Variants in HIF1AN observed in about 807,000 individuals in gnomAD.
HIF1AN encodes the protein hypoxia inducible factor 1 subunit alpha inhibitor.
A neutral mutation model predicts 47.7 loss-of-function variants in HIF1AN; 21 were observed. The ratio of observed to expected loss-of-function variants is 0.44; its 90% confidence interval spans 0.31 to 0.63. The LOEUF (loss-of-function observed/expected upper bound fraction) is 0.63. HIF1AN is among the 30% of genes least tolerant of loss of function. HIF1AN has a pLI of 0.07. For missense variants in HIF1AN, 320 were observed against 432.7 expected, an observed-to-expected ratio of 0.74 and a Z score of 2.31; for synonymous variants, 152 against 155.9, an observed-to-expected ratio of 0.98 and a Z score of 0.18.
At chr10:100,540,956 T>C (rs965039637) in intron 3 of HIF1AN, among the ~76,000 whole-genome samples, 174 bp downstream of exon 3, 3 of 152,228 alleles carry the variant, frequency 2.0e-5, no homozygotes, top group Non-Finnish European at 4.4e-5. Context: ...GGCTCACGCC[T>C]GTAATCCCAG....
intron 2 of HIF1AN, among the ~76,000 whole-genome samples, chr10:100,538,702 T>C (rs1387076387): frequency 1.3e-5 from 2 of 151,476 alleles, no homozygotes; most frequent in Admixed American, 1.3e-4. Context: ...GTGCCTGTAG[T>C]CTCAGCTACT....
rs1276483695 is a variant in HIF1AN at position 100,553,438 on chromosome 10, G to T, written c.*5301G>T. On this transcript the variant is annotated 3_prime_UTR_variant, in exon 8 of 8. Transcript: ENST00000299163. ...TATATTGCGTAGTCAGATGTCAGGA[G>T]TAGAGATCTTAATGAGAAAGGCCCT... The T allele has an allele frequency of 1.3e-5, 2 of 152,226 alleles. No homozygotes were observed. Among genetic ancestry groups the T allele is most frequent in the African/African-American group, 4.8e-5 (2 of 41,458 alleles). The allele number at this position is 152,226 out of a possible 1,614,324, so 9.4% of individuals were successfully genotyped here.
In HIF1AN at chr10:100,548,316, A is replaced by G. The variant is rs761225741; in HGVS notation, c.*179A>G. On this transcript the variant is annotated 3_prime_UTR_variant, in exon 8 of 8. Coordinates refer to ENST00000299163, the MANE Select transcript of HIF1AN (RefSeq NM_017902.3). ...GCAGGGCAGTTGGCACTCCACTCCT[A>G]TTTGGAGGGACTTCATACCCTTGCC... 1.9e-6 allele frequency: 1 copy of G among 515,698 alleles called. No homozygotes were observed. The highest frequency in any genetic ancestry group is 2.0e-5 in the African/African-American group (1 of 50,454). The allele number at this position is 515,698 out of a possible 1,614,324, so 31.9% of individuals were successfully genotyped here.
chr10:100,545,288 G>C, intron 4 of HIF1AN, 192 bp downstream of exon 4: 1 of 545,822 alleles, frequency 1.8e-6, no homozygotes, highest in Non-Finnish European at 3.2e-6. Context: ...CCAGATGTTT[G>C]TAAGTATAAC....
At position 100,556,877 on chromosome 10, in the gene HIF1AN, T is replaced by G. The variant is rs1227286153; in HGVS notation, c.*8740T>G. 1 of 152,214 alleles carries G rather than the reference T, an allele frequency of 6.6e-6. No individual in the cohort carries two copies. The highest frequency in any genetic ancestry group is 1.5e-5 in the Non-Finnish European group (1 of 68,042). The allele number at this position is 152,214 out of a possible 1,614,324, so 9.4% of individuals were successfully genotyped here. On this transcript the variant is annotated 3_prime_UTR_variant, in exon 8 of 8. Transcript: ENST00000299163. ...CTGGCTCAAGCACTCAGGAAAATGT[T>G]TTATTATGAAGACCAAGTGTCTCTG...
chr10:100,543,316 A>G (rs944610551), intron 3 of HIF1AN, among the ~76,000 whole-genome samples: 4 of 152,030 alleles, frequency 2.6e-5, no homozygotes, highest in African/African-American at 7.2e-5. Flanking sequence ...CACCCTTCCA[A>G]GTAGCTAGGA....
chr10:100,547,326 GCTT>G, intron 7 of HIF1AN, 76 bp downstream of exon 7: 1 of 859,112 alleles, frequency 1.2e-6, no homozygotes, highest in Non-Finnish European at 1.9e-6. Context: ...ATTCTTTACA[GCTT>G]CTGTGTTTCA....
In HIF1AN at chr10:100,556,851, C is replaced by T. The variant is rs1258585631; in HGVS notation, c.*8714C>T. 6.6e-6 allele frequency: 1 copy of T among 152,148 alleles called. No homozygotes were observed. Among genetic ancestry groups the T allele is most frequent in the African/African-American group, 2.4e-5 (1 of 41,404 alleles). 9.4% of individuals were successfully genotyped at this position (152,148 alleles called of 1,614,324 possible). On this transcript the variant is annotated 3_prime_UTR_variant, in exon 8 of 8. Transcript: ENST00000299163. ...GGCTCGTGATAATGTTTTTAAAACA[C>T]CTGGCTCAAGCACTCAGGAAAATGT...
chr10:100,544,596 T>C (rs1013639941), intron 3 of HIF1AN, among the ~76,000 whole-genome samples: 3 of 152,208 alleles, frequency 2.0e-5, no homozygotes, highest in African/African-American at 7.2e-5. Context: ...TTCCTTGAAT[T>C]CCTGCCGTAG....
Position 100,558,868 on chromosome 10 carries a change from G to A in HIF1AN, c.*10731G>A, listed in dbSNP as rs750846197. ...ATGGAGGACTTAGGATGAAGAACAGGTGTGTTTAAAAACATCAAACCCCCA... is the reference window on the plus strand; with the variant it reads ...ATGGAGGACTTAGGATGAAGAACAGATGTGTTTAAAAACATCAAACCCCCA... On this transcript the variant is annotated 3_prime_UTR_variant, in exon 8 of 8. Transcript: ENST00000299163. 3.3e-5 allele frequency: 5 copies of A among 152,194 alleles called. No homozygotes were observed. The highest frequency in any genetic ancestry group is 4.1e-4 in the South Asian group (2 of 4,828). 9.4% of individuals were successfully genotyped at this position (152,194 alleles called of 1,614,324 possible).
At position 100,549,365 on chromosome 10, in the gene HIF1AN, G is replaced by T. The variant is rs894822942; in HGVS notation, c.*1228G>T. On this transcript the variant is annotated 3_prime_UTR_variant, in exon 8 of 8. Coordinates refer to ENST00000299163, the MANE Select transcript of HIF1AN (RefSeq NM_017902.3). ...TTCCTGGCTGAATAGATGAAATGGGGTCAAGCCCAGGCAGCTCATTCACTA... is the reference window on the plus strand; with the variant it reads ...TTCCTGGCTGAATAGATGAAATGGGTTCAAGCCCAGGCAGCTCATTCACTA... 1 of 152,230 alleles carries T rather than the reference G, an allele frequency of 6.6e-6. No homozygotes were observed. Among genetic ancestry groups the T allele is most frequent in the Non-Finnish European group, 1.5e-5 (1 of 68,124 alleles). 9.4% of individuals were successfully genotyped at this position (152,230 alleles called of 1,614,324 possible). A position where few individuals can be genotyped will look rare whatever the true frequency, so the allele number is the denominator to read the frequency against.
Position 100,545,941 on chromosome 10 carries a change from A to G in HIF1AN, c.724-2A>G. The G allele has an allele frequency of 6.2e-7, 1 of 1,605,666 alleles. No homozygotes were observed. Among genetic ancestry groups the G allele is most frequent in the Non-Finnish European group, 8.5e-7 (1 of 1,172,902 alleles). On this transcript the variant is annotated splice_acceptor_variant, in intron 4 of 7. Coordinates refer to ENST00000299163, the MANE Select transcript of HIF1AN (RefSeq NM_017902.3). LOFTEE classifies it high-confidence loss of function. ...TTTTTTTCTTTCTCTTGAACCTCTT[A>G]GGTGGACTTTGACAATCCCGACTAC... is the stretch of plus-strand genomic sequence containing the variant.
Position 100,551,886 on chromosome 10 carries a change from C to T in HIF1AN, c.*3749C>T, listed in dbSNP as rs1247754785. On this transcript the variant is annotated 3_prime_UTR_variant, in exon 8 of 8. Coordinates refer to ENST00000299163, the MANE Select transcript of HIF1AN (RefSeq NM_017902.3). Reference sequence around the variant, plus strand: ...TAGGGACTGTTGAGAGAGGAGGAAACCAGTAGAGAGCAAAGCTCTACCCAG... The same window carrying T: ...TAGGGACTGTTGAGAGAGGAGGAAATCAGTAGAGAGCAAAGCTCTACCCAG... 1 of 152,152 alleles carries T rather than the reference C, an allele frequency of 6.6e-6. No homozygotes were observed. Among genetic ancestry groups the T allele is most frequent in the Admixed American group, 6.5e-5 (1 of 15,280 alleles). 9.4% of individuals were successfully genotyped at this position (152,152 alleles called of 1,614,324 possible). A position where few individuals can be genotyped will look rare whatever the true frequency, so the allele number is the denominator to read the frequency against.
intron 3 of HIF1AN, among the ~76,000 whole-genome samples, chr10:100,542,692 G>A (rs1281007197): frequency 6.6e-6 from 1 of 152,070 alleles, no homozygotes; most frequent in Non-Finnish European, 1.5e-5. Context: ...ATACATTCAT[G>A]GAGTTCGAAT....
chr10:100,536,583 G>T lies in HIF1AN; in HGVS notation c.350G>T (p.Arg117Met). ...KMANFQNFKP[R>M]SNREEMKFHE... ...GCCAATTTCCAGAACTTTAAGCCGA[G>T]GTCCAACAGGGAAGAAATGAAATTT... The change falls in exon 2 of 8, where the codon AGG becomes ATG. Residue 117 changes from arginine (R) to methionine (M), a missense_variant. By Grantham distance (91) the Arg-to-Met change is moderately conservative. Around this residue, in one of 2 missense-constraint regions of HIF1AN, gnomAD observed 159 missense variants for 159.9 expected, o/e 0.99. Transcript: ENST00000299163. 1 of 1,614,118 alleles carries T rather than the reference G, an allele frequency of 6.2e-7. No homozygotes were observed.
chr10:100,547,265 CA>C lies in HIF1AN; in HGVS notation c.1005+17del, dbSNP rs2133728802. 1 of 1,561,310 alleles carries C rather than the reference CA, an allele frequency of 6.4e-7. No individual in the cohort carries two copies. The highest frequency in any genetic ancestry group is 2.3e-5 in the East Asian group (1 of 44,444). On this transcript the variant is annotated intron_variant, in intron 7 of 7. Transcript: ENST00000299163. ...ACCCACAAGAGGTAGGTGACTGCCC[CA>C]AGGTGGCTCAGTGGGTGGGTTGACC...
intron 3 of HIF1AN, among the ~76,000 whole-genome samples, chr10:100,543,444 C>G (rs548511356): frequency 6.6e-6 from 1 of 152,194 alleles, no homozygotes; most frequent in East Asian, 1.9e-4. Context: ...ACCTTGGCCC[C>G]CTAAGTGATC....
chr10:100,541,356 A>G (rs887961908), intron 3 of HIF1AN, among the ~76,000 whole-genome samples: 1 of 152,242 alleles, frequency 6.6e-6, no homozygotes, highest in East Asian at 1.9e-4. Flanking sequence ...GCACCACTGC[A>G]CTGCAGCCTG....
intron 3 of HIF1AN, among the ~76,000 whole-genome samples, chr10:100,541,042 GTC>G (rs1843023020): frequency 6.6e-6 from 1 of 151,722 alleles, no homozygotes; most frequent in African/African-American, 2.4e-5. Flanking sequence ...ATGAAACCCC[GTC>G]TCTACTAAAA....
Sources: allele counts gnomAD v4.1 joint callset (sites outside exome capture counted in the v4.1 genomes callset), GRCh38; gene constraint gnomAD v4.1.1; regional missense constraint gnomAD v4.1.1; transcripts MANE v1.5; gene names NCBI Gene and HGNC (gene_info 2026-07-23, HGNC 2026-07-21).